Variants in PDE1A observed in about 807,000 individuals in gnomAD.
PDE1A encodes the protein phosphodiesterase 1A, also known as dual specificity calcium/calmodulin-dependent 3',5'-cyclic nucleotide phosphodiesterase 1A.
A neutral mutation model predicts 61.7 loss-of-function variants in PDE1A; 35 were observed. The ratio of observed to expected loss-of-function variants is 0.57; its 90% confidence interval spans 0.43 to 0.75. The LOEUF (loss-of-function observed/expected upper bound fraction) is 0.75, where lower values mean the gene tolerates loss of function less well. Among genes scored for constraint, PDE1A ranks in the 30% least tolerant of loss-of-function variants. The pLI is 0.00. For missense variants in PDE1A, 597 were observed against 630.6 expected, an observed-to-expected ratio of 0.95 and a Z score of 0.57; for synonymous variants, 232 against 213.2, an observed-to-expected ratio of 1.09 and a Z score of -0.77.
At chr2:182,445,919 G>A (rs1027899636) in intron 2 of PDE1A, among the ~76,000 whole-genome samples, 4 of 151,998 alleles carry the variant, frequency 2.6e-5, no homozygotes, top group African/African-American at 7.2e-5. Flanking sequence ...GGCATCAGAA[G>A]AGAATTTCAC....
the PDE1A span, among the ~76,000 whole-genome samples, chr2:182,612,916 A>G: frequency 1.3e-5 from 2 of 152,184 alleles, no homozygotes; most frequent in African/African-American, 4.8e-5. Context: ...TAAGCCACCA[A>G]TCTTATTCGT....
At chr2:182,468,592 G>A (rs1461717377) in intron 2 of PDE1A, among the ~76,000 whole-genome samples, 1 of 151,926 alleles carries the variant, frequency 6.6e-6, no homozygotes, top group African/African-American at 2.4e-5. Context: ...AACTCCTTAT[G>A]TTAATGTTGA....
At chr2:182,656,906 C>G in the PDE1A span, among the ~76,000 whole-genome samples, 1 of 152,054 alleles carries the variant, frequency 6.6e-6, no homozygotes, top group Non-Finnish European at 1.5e-5. Context: ...AAATTCCTTA[C>G]AGTAAAAATG....
At chr2:182,657,961 A>G in the PDE1A span, among the ~76,000 whole-genome samples, 6 of 147,802 alleles carry the variant, frequency 4.1e-5, no homozygotes, top group African/African-American at 7.4e-5. Flanking sequence ...TGGGAATAAT[A>G]TCTACCCTGC....
At chr2:182,520,792 C>T (rs918622966) in intron 2 of PDE1A, among the ~76,000 whole-genome samples, 3 of 151,990 alleles carry the variant, frequency 2.0e-5, no homozygotes, top group East Asian at 1.9e-4. Flanking sequence ...ATAATTTTCC[C>T]GGTACTGATG....
intron 1 of PDE1A, among the ~76,000 whole-genome samples, chr2:182,313,464 C>T (rs561119395): frequency 3.9e-5 from 6 of 152,090 alleles, no homozygotes; most frequent in Admixed American, 6.6e-5. Flanking sequence ...ATCAGATGTT[C>T]AGCAAATAAC....
chr2:182,149,476 C>T (rs1015356410), intron 13 of PDE1A, among the ~76,000 whole-genome samples: 3 of 152,110 alleles, frequency 2.0e-5, no homozygotes, highest in South Asian at 2.1e-4. Context: ...TTTCGTAGCA[C>T]TGAAAAAGGG....
chr2:182,540,617 AAGTT>A, the PDE1A span, among the ~76,000 whole-genome samples: 683 of 152,252 alleles, frequency 4.5e-3, 4 homozygotes, highest in African/African-American at 0.015. Context: ...AAAAATTTTT[AAGTT>A]AGTTATTTCT....
chr2:182,330,778 A>T (rs1463712971), intron 1 of PDE1A, among the ~76,000 whole-genome samples: 2 of 152,056 alleles, frequency 1.3e-5, no homozygotes, highest in Non-Finnish European at 2.9e-5. Context: ...GGCCTTGCTG[A>T]CTAGTTTCTT....
the PDE1A span, among the ~76,000 whole-genome samples, chr2:182,629,398 C>T: frequency 3.9e-5 from 6 of 152,186 alleles, no homozygotes; most frequent in Non-Finnish European, 8.8e-5. Flanking sequence ...CCCCTCTATC[C>T]ACATTACTAC....
the PDE1A span, among the ~76,000 whole-genome samples, chr2:182,621,797 G>T: frequency 6.6e-6 from 1 of 152,106 alleles, no homozygotes; most frequent in Non-Finnish European, 1.5e-5. Context: ...CGGTAGACAA[G>T]AAGAATACAG....
chr2:182,562,271 T>C, the PDE1A span, among the ~76,000 whole-genome samples: 1 of 151,926 alleles, frequency 6.6e-6, no homozygotes, highest in South Asian at 2.1e-4. Context: ...TGAAGGGTTG[T>C]TGAATTTTGT....
intron 2 of PDE1A, among the ~76,000 whole-genome samples, chr2:182,465,795 A>C (rs1289276377): frequency 5.3e-5 from 8 of 152,080 alleles, no homozygotes. Context: ...ATAACTATTC[A>C]GAATCAATTT....
chr2:182,513,100 C>T (rs1236087263), intron 2 of PDE1A, among the ~76,000 whole-genome samples: 1 of 152,066 alleles, frequency 6.6e-6, no homozygotes, highest in East Asian at 1.9e-4. Flanking sequence ...AATCAGAAAA[C>T]CCCTGTGAGA....
intron 7 of PDE1A, among the ~76,000 whole-genome samples, chr2:182,210,302 T>C (rs1687473780): frequency 6.6e-6 from 1 of 152,356 alleles, no homozygotes; most frequent in East Asian, 1.9e-4. Flanking sequence ...CACCAGCTTT[T>C]GGTGTTGTTA....
the PDE1A span, among the ~76,000 whole-genome samples, chr2:182,535,151 G>A: frequency 6.6e-6 from 1 of 151,942 alleles, no homozygotes; most frequent in Non-Finnish European, 1.5e-5. Flanking sequence ...CTATTTTTAT[G>A]TAAGTCCTAC....
chr2:182,531,276 A>T, the PDE1A span, among the ~76,000 whole-genome samples: 1 of 152,046 alleles, frequency 6.6e-6, no homozygotes, highest in South Asian at 2.1e-4. Context: ...CTTAAATCCT[A>T]ACATGTCAAT....
intron 1 of PDE1A, among the ~76,000 whole-genome samples, chr2:182,372,521 G>C (rs941780993): frequency 5.9e-4 from 90 of 152,318 alleles, no homozygotes; most frequent in African/African-American, 2.1e-3. Context: ...AGGTAACACT[G>C]TTATATGCTG....
downstream of PDE1A, among the ~76,000 whole-genome samples, chr2:182,143,510 T>A (rs1029972068): frequency 2.0e-5 from 3 of 151,950 alleles, no homozygotes; most frequent in Admixed American, 6.6e-5. Flanking sequence ...TTAATTAATT[T>A]ATTTTATTTT....
Sources: gnomAD v4.1 joint callset for allele counts (sites outside exome capture counted in the v4.1 genomes callset) on GRCh38, gnomAD v4.1.1 for gene constraint, MANE v1.5 for transcripts, NCBI Gene and HGNC (gene_info 2026-07-23, HGNC 2026-07-21) for gene names.